The following DESI2 variants were observed in gnomAD, a reference collection of about 807,000 sequenced individuals.
DESI2 encodes the protein desumoylating isopeptidase 2.
In DESI2, 10 loss-of-function variants were observed where a neutral mutation model predicts 24.1. That is an observed-to-expected ratio of 0.41 (90% CI 0.26 to 0.70). DESI2 has a LOEUF of 0.70. DESI2 is among the 30% of genes least tolerant of loss of function. The probability of loss-of-function intolerance (pLI) is 0.29; values close to 1 mark genes in which losing one functional copy is unlikely to be tolerated. For synonymous variants in DESI2, 71 were observed against 87.7 expected (o/e 0.81, Z 1.06); for missense variants, 122 against 234.9 (o/e 0.52, Z 3.14).
At position 244,708,385 on chromosome 1, in the gene DESI2, T is replaced by C. The variant is rs558448694; in HGVS notation, c.*2596T>C. On this transcript the variant is annotated 3_prime_UTR_variant, in exon 5 of 5. Transcript: ENST00000302550. ...TCTGTAGGAGTGTAGAAGGCAGTGG[T>C]GTATGATCTTAGCCTCGTCCTGATG... is the stretch of plus-strand genomic sequence containing the variant. The C allele has an allele frequency of 1.7e-4, 26 of 152,566 alleles. No individual in the cohort carries two copies. Among genetic ancestry groups the C allele is most frequent in the South Asian group, 2.1e-4 (1 of 4,824 alleles). The allele number at this position is 152,566 out of a possible 1,614,324, so 9.5% of individuals were successfully genotyped here.
intron 4 of DESI2, among the ~76,000 whole-genome samples, chr1:244,700,190 T>C (rs1282324969): frequency 6.6e-6 from 1 of 152,222 alleles, no homozygotes; most frequent in Admixed American, 6.5e-5. Context: ...CTATATGCTA[T>C]GTCCTATGAG....
intron 2 of DESI2, 76 bp downstream of exon 2, chr1:244,686,745 GTC>G (rs922103102): frequency 8.8e-6 from 8 of 904,566 alleles, no homozygotes; most frequent in Non-Finnish European, 8.9e-6. Flanking sequence ...ATAACTATAG[GTC>G]TCTCTTTTTT....
At chr1:244,659,857 T>A (rs1481659792) in intron 1 of DESI2, among the ~76,000 whole-genome samples, 1 of 152,200 alleles carries the variant, frequency 6.6e-6, no homozygotes, top group Non-Finnish European at 1.5e-5. Context: ...CAGTTAAAAA[T>A]TGTTTCATCA....
chr1:244,687,313 A>G (rs2148805739), intron 2 of DESI2, among the ~76,000 whole-genome samples: 1 of 152,304 alleles, frequency 6.6e-6, no homozygotes, highest in East Asian at 1.9e-4. Flanking sequence ...TGTGTTTTCA[A>G]CAGTTTTTTT....
chr1:244,671,158 G>GT (rs1558654526), intron 1 of DESI2, among the ~76,000 whole-genome samples: 1 of 152,102 alleles, frequency 6.6e-6, no homozygotes, highest in African/African-American at 2.4e-5. Context: ...CTGCTTTACT[G>GT]TTTTCCTTTG....
Position 244,654,868 on chromosome 1 carries a change from T to C in DESI2, c.42+1513T>C, listed in dbSNP as rs537479375. Among the ~76,000 whole-genome samples, 22 of 152,368 alleles carry C rather than the reference T, an allele frequency of 1.4e-4. 1 individual carries two copies. Among genetic ancestry groups the C allele is most frequent in the Admixed American group, 5.9e-4 (9 of 15,310 alleles). ...CTGTCTTTCAGAATATATTCTGCTC[T>C]TGAGATCACAGTGTGCCTTTTCTCC... On this transcript the variant is annotated intron_variant, in intron 1 of 4. Transcript: ENST00000302550.
intron 1 of DESI2, among the ~76,000 whole-genome samples, chr1:244,673,717 G>A (rs752183498): frequency 8.6e-5 from 13 of 152,008 alleles, no homozygotes; most frequent in Non-Finnish European, 1.9e-4. Flanking sequence ...TTCACTGATA[G>A]TAAACTTTAT....
intron 1 of DESI2, among the ~76,000 whole-genome samples, chr1:244,674,510 A>C: frequency 6.6e-6 from 1 of 152,148 alleles, no homozygotes; most frequent in East Asian, 1.9e-4. Flanking sequence ...ATTAGCAATC[A>C]CTTCCCATAT....
chr1:244,674,029 CTG>C (rs1398253964), intron 1 of DESI2, among the ~76,000 whole-genome samples: 2 of 113,516 alleles, frequency 1.8e-5, no homozygotes, highest in Non-Finnish European at 3.3e-5. Flanking sequence ...GAGTCTTGCT[CTG>C]TTGCCCAGGC....
At chr1:244,690,752 G>A (rs1344151264) in intron 3 of DESI2, among the ~76,000 whole-genome samples, 1 of 151,752 alleles carries the variant, frequency 6.6e-6, no homozygotes, top group Non-Finnish European at 1.5e-5. Flanking sequence ...GAGTTTCAAG[G>A]AGCTTTAAAC....
intron 1 of DESI2, among the ~76,000 whole-genome samples, chr1:244,684,843 T>A (rs1676758310): frequency 6.6e-6 from 1 of 152,222 alleles, no homozygotes; most frequent in South Asian, 2.1e-4. Context: ...ACAAGTATAC[T>A]CATATCTGAA....
At chr1:244,682,854 C>CAA (rs3059851) in intron 1 of DESI2, among the ~76,000 whole-genome samples, 33 of 123,364 alleles carry the variant, frequency 2.7e-4, no homozygotes, top group African/African-American at 6.1e-4. Flanking sequence ...AGTGTGTTGT[C>CAA]AAAAAAAAAA....
chr1:244,680,036 T>TTTA (rs1553403558), intron 1 of DESI2, among the ~76,000 whole-genome samples: 30,751 of 142,270 alleles, frequency 0.22, 3,376 homozygotes, highest in South Asian at 0.29. Context: ...TTTTTTTTTT[T>TTTA]AAACAAAAAA....
intron 1 of DESI2, among the ~76,000 whole-genome samples, chr1:244,676,639 A>G (rs1676424418): frequency 6.6e-6 from 1 of 151,706 alleles, no homozygotes; most frequent in African/African-American, 2.4e-5. Flanking sequence ...TTTTTATTTT[A>G]AAGGGAAAGC....
intron 1 of DESI2, among the ~76,000 whole-genome samples, chr1:244,683,180 A>T (rs1292842306): frequency 6.6e-6 from 1 of 152,208 alleles, no homozygotes; most frequent in South Asian, 2.1e-4. Context: ...TATGGAGGTG[A>T]TCAGATAGCA....
At chr1:244,669,940 C>T (rs1350275002) in intron 1 of DESI2, among the ~76,000 whole-genome samples, 1 of 150,190 alleles carries the variant, frequency 6.7e-6, no homozygotes, top group Non-Finnish European at 1.5e-5. Flanking sequence ...GAGACCTATA[C>T]TTCTCAAGAA....
intron 1 of DESI2, among the ~76,000 whole-genome samples, chr1:244,673,047 A>T (rs768756748): frequency 6.6e-6 from 1 of 152,178 alleles, no homozygotes; most frequent in Non-Finnish European, 1.5e-5. Context: ...TTATCTCACT[A>T]AATATTCACT....
intron 1 of DESI2, among the ~76,000 whole-genome samples, chr1:244,674,870 A>T (rs1248070530): frequency 6.6e-6 from 1 of 152,232 alleles, no homozygotes; most frequent in Non-Finnish European, 1.5e-5. Context: ...TCTTGGGCAT[A>T]TGCCTAGAAA....
At chr1:244,678,057 G>A (rs1003985191) in intron 1 of DESI2, among the ~76,000 whole-genome samples, 1 of 152,158 alleles carries the variant, frequency 6.6e-6, no homozygotes, top group African/African-American at 2.4e-5. Context: ...ATAATCTTGA[G>A]CAGGAACAGT....
Sources: gnomAD v4.1 joint callset for allele counts (sites outside exome capture counted in the v4.1 genomes callset) on GRCh38, gnomAD v4.1.1 for gene constraint, MANE v1.5 for transcripts, NCBI Gene and HGNC (gene_info 2026-07-23, HGNC 2026-07-21) for gene names.